The following XRCC5 variants were observed in gnomAD, a reference collection of about 807,000 sequenced individuals.
The protein encoded by XRCC5 is DNA repair protein Ku80.
In XRCC5, 12 loss-of-function variants were observed where a neutral mutation model predicts 95.7. That is an observed-to-expected ratio of 0.13 (90% CI 0.08 to 0.20). The LOEUF is 0.20. Among genes scored for constraint, XRCC5 ranks in the 10% least tolerant of loss-of-function variants. The pLI is 1.00. For missense variants in XRCC5, 595 were observed against 873.9 expected, an observed-to-expected ratio of 0.68 and a Z score of 4.02; for synonymous variants, 281 against 290.3, an observed-to-expected ratio of 0.97 and a Z score of 0.33.
chr2:216,121,316 CTTATT>C (rs1696805483), intron 5 of XRCC5, among the ~76,000 whole-genome samples: 1 of 152,128 alleles, frequency 6.6e-6, no homozygotes, highest in Non-Finnish European at 1.5e-5. Flanking sequence ...TGTAAACAGC[CTTATT>C]TTAAGTGTAG....
intron 5 of XRCC5, among the ~76,000 whole-genome samples, chr2:216,119,738 A>G (rs774361807): frequency 1.1e-4 from 17 of 152,258 alleles, no homozygotes; most frequent in African/African-American, 4.1e-4. Flanking sequence ...GGGGAAAAAT[A>G]TGTATTTCAC....
chr2:216,186,855 G>T (rs1689501703), intron 16 of XRCC5, among the ~76,000 whole-genome samples: 1 of 152,084 alleles, frequency 6.6e-6, no homozygotes, highest in Admixed American at 6.5e-5. Flanking sequence ...GGAGTCAAAA[G>T]CATATTCCAG....
intron 5 of XRCC5, among the ~76,000 whole-genome samples, chr2:216,121,111 A>T (rs928177517): frequency 6.6e-6 from 1 of 152,066 alleles, no homozygotes; most frequent in Non-Finnish European, 1.5e-5. Context: ...AACAGTTATT[A>T]TTTCTTTTTC....
chr2:216,117,106 C>CCTAGGGAGTATATGTG (rs1696711510), intron 3 of XRCC5: 2 of 481,746 alleles, frequency 4.2e-6, no homozygotes, highest in African/African-American at 3.8e-5. Flanking sequence ...GGGGGAAGAT[C>CCTAGGGAGTATATGTG]CTAGGGAGTA....
chr2:216,122,776 TAA>T (rs968690023), intron 6 of XRCC5, among the ~76,000 whole-genome samples: 3 of 150,266 alleles, frequency 2.0e-5, no homozygotes, highest in African/African-American at 7.3e-5. Context: ...ACCTGCAATG[TAA>T]AGAGTTCATA....
intron 16 of XRCC5, among the ~76,000 whole-genome samples, chr2:216,183,163 C>G (rs1266106520): frequency 6.6e-6 from 1 of 152,184 alleles, no homozygotes; most frequent in Non-Finnish European, 1.5e-5. Flanking sequence ...AAGAGACCTT[C>G]CATATCATTC....
intron 16 of XRCC5, chr2:216,176,018 T>C (rs900961899): frequency 5.0e-6 from 1 of 198,082 alleles, no homozygotes; most frequent in African/African-American, 2.4e-5. Context: ...AACCGGGTAG[T>C]GGTTTTACCT....
chr2:216,137,708 T>C (rs1032917775), intron 11 of XRCC5, among the ~76,000 whole-genome samples: 1 of 152,214 alleles, frequency 6.6e-6, no homozygotes, highest in African/African-American at 2.4e-5. Flanking sequence ...TTGTGTAAAA[T>C]ACAGTTCTAA....
chr2:216,112,863 A>G (rs1425252573), intron 1 of XRCC5, among the ~76,000 whole-genome samples, 153 bp from the exon 2 acceptor site: 1 of 152,262 alleles, frequency 6.6e-6, no homozygotes, highest in Non-Finnish European at 1.5e-5. Context: ...GAAAATTTAT[A>G]TGTCTTACAC....
intron 7 of XRCC5, 121 bp from the exon 8 acceptor site, chr2:216,127,412 AAAT>A: frequency 8.6e-7 from 1 of 1,168,516 alleles, no homozygotes; most frequent in African/African-American, 1.5e-5. Context: ...TGAGCAAACA[AAAT>A]AATGGAGCTA....
intron 13 of XRCC5, among the ~76,000 whole-genome samples, chr2:216,144,363 T>C (rs953631717): frequency 6.6e-6 from 1 of 152,220 alleles, no homozygotes. Context: ...AGGTTGTGAA[T>C]ACCTTGTATG....
At chr2:216,182,665 A>G (rs1689411898) in intron 16 of XRCC5, among the ~76,000 whole-genome samples, 1 of 152,170 alleles carries the variant, frequency 6.6e-6, no homozygotes, top group Non-Finnish European at 1.5e-5. Flanking sequence ...TCCTCATTTA[A>G]TTAGAAAGTC....
chr2:216,139,459 A>G (rs1256078177), intron 12 of XRCC5, among the ~76,000 whole-genome samples: 1 of 152,032 alleles, frequency 6.6e-6, no homozygotes, highest in African/African-American at 2.4e-5. Context: ...AAATCTATAG[A>G]CTTATTCACT....
intron 13 of XRCC5, among the ~76,000 whole-genome samples, chr2:216,147,045 A>C (rs1278329553): frequency 6.7e-6 from 1 of 149,784 alleles, no homozygotes; most frequent in Admixed American, 6.7e-5. Context: ...GCCTATAAAA[A>C]ATATAAAATA....
intron 15 of XRCC5, among the ~76,000 whole-genome samples, chr2:216,160,933 A>T (rs185565652): frequency 2.0e-4 from 30 of 152,154 alleles, no homozygotes; most frequent in African/African-American, 7.0e-4. Flanking sequence ...GGCTCAAGCA[A>T]TCCTCCCGCT....
chr2:216,187,821 A>ACACACACACACACACT (rs1312215177), intron 16 of XRCC5, among the ~76,000 whole-genome samples: 2 of 47,970 alleles, frequency 4.2e-5, no homozygotes, highest in African/African-American at 2.0e-4. Flanking sequence ...ACACACACAC[A>ACACACACACACACACT]CTCTCTCTCT....
At chr2:216,162,622 C>G (rs1026867783) in intron 16 of XRCC5, among the ~76,000 whole-genome samples, 2 of 151,972 alleles carry the variant, frequency 1.3e-5, no homozygotes, top group East Asian at 1.9e-4. Flanking sequence ...GAACTCCTGA[C>G]CTCAGGTGAT....
chr2:216,163,080 T>C (rs115667027), intron 16 of XRCC5, among the ~76,000 whole-genome samples: 1,781 of 152,298 alleles, frequency 0.012, 28 homozygotes, highest in African/African-American at 0.041. Context: ...AGTGTTTATG[T>C]TTGTTCATGT....
At chr2:216,164,924 T>A (rs1226028525) in intron 16 of XRCC5, among the ~76,000 whole-genome samples, 1 of 152,188 alleles carries the variant, frequency 6.6e-6, no homozygotes, top group Non-Finnish European at 1.5e-5. Flanking sequence ...TTACTGAGAA[T>A]CTACTCACAT....
Sources: gnomAD v4.1 joint callset for allele counts (sites outside exome capture counted in the v4.1 genomes callset) on GRCh38, gnomAD v4.1.1 for gene constraint, MANE v1.5 for transcripts, NCBI Gene and HGNC (gene_info 2026-07-23, HGNC 2026-07-21) for gene names.